Variants in CUX1 observed in about 807,000 individuals in gnomAD.
CUX1 encodes the protein protein CASP.
CUX1 carries 31 observed loss-of-function variants against 158.8 expected under a neutral mutation model. The observed-to-expected ratio is 0.20, with a 90% CI of 0.15 to 0.26. The LOEUF is 0.26. Among genes scored for constraint, CUX1 ranks in the 10% least tolerant of loss-of-function variants. CUX1 has a pLI of 1.00. For missense variants in CUX1, 1,589 were observed against 2,014.6 expected (o/e 0.79, Z 4.04); for synonymous variants, 879 against 862.1 (o/e 1.02, Z -0.34).
At position 102,030,588 on chromosome 7, in the gene CUX1, C is replaced by A. The variant is rs74563454; in HGVS notation, c.189+2443C>A. ...TCCAAAATCAAATTTTTCCAATTAT[C>A]CCCAAGATGTCTTTTATAACGGCCC... On this transcript the variant is annotated intron_variant, in intron 3 of 23. Transcript: ENST00000292535. Among the ~76,000 whole-genome samples, 3 of 152,204 alleles carry A rather than the reference C, an allele frequency of 2.0e-5. No individual in the cohort carries two copies. In the East Asian group the frequency reaches 5.8e-4, roughly 29 times the overall value.
chr7:102,254,047 C>T lies in CUX1; in HGVS notation c.*5005C>T, dbSNP rs1801808078. ...TGCCAGCGCAGCAGACACGAACATC[C>T]CTCTGCCTGGTGGGCCGGCTTTGTG... On this transcript the variant is annotated 3_prime_UTR_variant, in exon 24 of 24. Transcript: ENST00000292535. 1.0e-6 allele frequency: 1 copy of T among 985,356 alleles called. No homozygotes were observed. The allele number at this position is 985,356 out of a possible 1,614,324, so 61.0% of individuals were successfully genotyped here.
chr7:102,278,063 C>T lies in CUX1; in HGVS notation c.1678C>T (p.Arg560Trp), dbSNP rs144393643. The T allele has an allele frequency of 2.1e-5, 33 of 1,606,382 alleles. No homozygotes were observed. In the African/African-American group the frequency reaches 2.4e-4, roughly 12 times the overall value. Residue 560 changes from arginine (R) to tryptophan (W), a missense_variant and splice_region_variant, in exon 18 of 23, where the codon CGG becomes TGG. Transcript: ENST00000292538. ...CAAGTTCCTGCAGAGCTACCCTGGC[C>T]GGGTGAGGGCCCTCCCCTGGCCTCA... is the stretch of plus-strand genomic sequence containing the variant.
chr7:101,995,103 AAGAG>A (rs1197505735), intron 2 of CUX1, among the ~76,000 whole-genome samples: 1 of 152,018 alleles, frequency 6.6e-6, no homozygotes, highest in African/African-American at 2.4e-5. Context: ...TCAAAATTAA[AAGAG>A]AGAGAGAAAC....
chr7:101,943,072 T>G (rs1427910777), intron 2 of CUX1, among the ~76,000 whole-genome samples: 2 of 144,790 alleles, frequency 1.4e-5, no homozygotes, highest in South Asian at 2.2e-4. Flanking sequence ...TCCATCCTGG[T>G]CAGTGCTTTT....
At chr7:102,239,079 G>T (rs1799892363) in intron 22 of CUX1, among the ~76,000 whole-genome samples, 1 of 152,102 alleles carries the variant, frequency 6.6e-6, no homozygotes, top group African/African-American at 2.4e-5. Flanking sequence ...TAGAGACGGG[G>T]TTTCACCATA....
At chr7:101,929,932 C>T (rs1398768558) in intron 2 of CUX1, among the ~76,000 whole-genome samples, 1 of 152,146 alleles carries the variant, frequency 6.6e-6, no homozygotes, top group Non-Finnish European at 1.5e-5. Context: ...ACTTCTACCT[C>T]CCGGGTTCAA....
At chr7:102,099,475 G>GTT (rs111487536) in intron 5 of CUX1, among the ~76,000 whole-genome samples, 31,854 of 142,642 alleles carry the variant, frequency 0.22, 4,296 homozygotes, top group African/African-American at 0.38. Flanking sequence ...GAGTATCCTG[G>GTT]TTTTTTTTTT....
At position 102,097,384 on chromosome 7, in the gene CUX1, C is replaced by A; in HGVS notation, c.289C>A (p.Leu97Ile). The change falls in exon 5 of 24, where the codon CTC (leucine) becomes ATC (isoleucine). Residue 97 changes from leucine (L) to isoleucine (I), a missense_variant. Transcript: ENST00000292535. ...TGCAGATCCCGTACCAGCTTTGGAT[C>A]TCGGACAGCAACTCCAGCTCAAAGT... Reference protein sequence around the residue: ...DVPDPVPALDLGQQLQLKVQR... With the variant: ...DVPDPVPALDIGQQLQLKVQR... The A allele has an allele frequency of 6.2e-7, 1 of 1,609,028 alleles. No homozygotes were observed. The highest frequency in any genetic ancestry group is 8.5e-7 in the Non-Finnish European group (1 of 1,178,936).
At chr7:102,010,288 A>C (rs1385280261) in intron 2 of CUX1, among the ~76,000 whole-genome samples, 1 of 151,132 alleles carries the variant, frequency 6.6e-6, no homozygotes, top group Non-Finnish European at 1.5e-5. Flanking sequence ...CCAGCTACTC[A>C]GGAGGCTGAA....
At chr7:102,191,068 C>CA (rs1554516828) in intron 12 of CUX1, among the ~76,000 whole-genome samples, 1 of 152,142 alleles carries the variant, frequency 6.6e-6, no homozygotes, top group African/African-American at 2.4e-5. Flanking sequence ...CTGGGACCCC[C>CA]AGCCTCCCTG....
At chr7:102,171,811 T>C (rs782052720) in intron 10 of CUX1, among the ~76,000 whole-genome samples, 1 of 152,196 alleles carries the variant, frequency 6.6e-6, no homozygotes, top group Non-Finnish European at 1.5e-5. Flanking sequence ...AGTTTTCCCA[T>C]GTGTAAAATA....
chr7:102,083,778 G>C (rs1205783732), intron 4 of CUX1, among the ~76,000 whole-genome samples: 2 of 146,906 alleles, frequency 1.4e-5, no homozygotes, highest in African/African-American at 4.9e-5. Context: ...GTATTTTACA[G>C]TTTTGATGTA....
At chr7:102,023,192 G>A (rs752066140) in intron 2 of CUX1, among the ~76,000 whole-genome samples, 17 of 152,112 alleles carry the variant, frequency 1.1e-4, no homozygotes, top group Non-Finnish European at 1.9e-4. Flanking sequence ...TCCAGCCTGG[G>A]TGACAGAGCG....
At chr7:102,204,228 A>G (rs1231076555) in intron 18 of CUX1, among the ~76,000 whole-genome samples, 163 bp from the exon 19 acceptor site, 1 of 152,140 alleles carries the variant, frequency 6.6e-6, no homozygotes, top group Non-Finnish European at 1.5e-5. Context: ...CTTTAAATGC[A>G]TATTCCCTGC....
chr7:102,193,808 TAAATA>T, intron 12 of CUX1, 29 bp from the exon 13 acceptor site: 3 of 1,608,042 alleles, frequency 1.9e-6, no homozygotes, highest in Middle Eastern at 1.7e-4. Flanking sequence ...TCTCAAAAAA[TAAATA>T]AAATAACCCC....
At chr7:102,016,603 C>T (rs1818622811) in intron 2 of CUX1, among the ~76,000 whole-genome samples, 1 of 152,228 alleles carries the variant, frequency 6.6e-6, no homozygotes, top group Non-Finnish European at 1.5e-5. Flanking sequence ...CAGAGCGAGA[C>T]CTCGTTCCTT....
chr7:102,189,118 T>A (rs1282092266), intron 11 of CUX1, among the ~76,000 whole-genome samples: 1 of 152,182 alleles, frequency 6.6e-6, no homozygotes, highest in Non-Finnish European at 1.5e-5. Context: ...GCCTATCTGA[T>A]GCCTACTCTC....
intron 3 of CUX1, among the ~76,000 whole-genome samples, chr7:102,049,012 C>G (rs1823166151): frequency 6.6e-6 from 1 of 152,094 alleles, no homozygotes; most frequent in Non-Finnish European, 1.5e-5. Context: ...GGTGGGCCAG[C>G]GGTCACCGAG....
At chr7:102,104,555 C>T (rs1554487830) in intron 6 of CUX1, 96 bp downstream of exon 6, 1 of 1,497,306 alleles carries the variant, frequency 6.7e-7, no homozygotes, top group African/African-American at 1.4e-5. Flanking sequence ...GCAAAATAAG[C>T]CCAGGTTGTA....
Sources: gnomAD v4.1 joint callset for allele counts (sites outside exome capture counted in the v4.1 genomes callset) on GRCh38, gnomAD v4.1.1 for gene constraint, MANE v1.5 for transcripts, NCBI Gene and HGNC (gene_info 2026-07-23, HGNC 2026-07-21) for gene names.